LRRC37A2: variants seen among roughly 807,000 people sequenced by gnomAD.
LRRC37A2 encodes leucine rich repeat containing 37 member A2.
LRRC37A2 carries 9 observed loss-of-function variants against 68.8 expected under a neutral mutation model. The observed-to-expected ratio is 0.13, with a 90% CI of 0.08 to 0.23. The LOEUF is 0.23. LRRC37A2 is among the 10% of genes least tolerant of loss of function. LRRC37A2 has a pLI of 1.00. For synonymous variants in LRRC37A2, 63 were observed against 367.6 expected (o/e 0.17, Z 9.48); for missense variants, 168 against 950.4 (o/e 0.18, Z 10.82).
chr17:46,486,954 A>C, the LRRC37A2 span: 2 of 528,938 alleles, frequency 3.8e-6, no homozygotes, highest in African/African-American at 6.0e-5. Flanking sequence ...TATGCTTTTA[A>C]ATCCTCAAGA....
chr17:46,585,119 A>G, the LRRC37A2 span, among the ~76,000 whole-genome samples: 1 of 110,962 alleles, frequency 9.0e-6, no homozygotes, highest in Non-Finnish European at 1.9e-5. Context: ...TCTGGCCATC[A>G]TGGTGAAACC....
chr17:46,907,725 GC>G, the LRRC37A2 span, among the ~76,000 whole-genome samples: 5 of 150,328 alleles, frequency 3.3e-5, no homozygotes, highest in African/African-American at 4.9e-5. Flanking sequence ...GGTGGTGTGT[GC>G]CTGTGGTCCC....
the LRRC37A2 span, among the ~76,000 whole-genome samples, chr17:46,776,257 C>T: frequency 6.6e-6 from 1 of 152,234 alleles, no homozygotes; most frequent in Non-Finnish European, 1.5e-5. Context: ...CCTGGGCCTC[C>T]ATACTGAGCA....
chr17:46,797,575 A>C, the LRRC37A2 span, among the ~76,000 whole-genome samples: 1 of 152,226 alleles, frequency 6.6e-6, no homozygotes, highest in Non-Finnish European at 1.5e-5. Flanking sequence ...ACCTCTTTGG[A>C]AAACAGTTTG....
chr17:46,876,294 G>T, the LRRC37A2 span: 1 of 1,614,122 alleles, frequency 6.2e-7, no homozygotes, highest in Non-Finnish European at 8.5e-7. Flanking sequence ...GGCGTATCAG[G>T]CTCCTGTGCC....
chr17:46,731,510 G>A, the LRRC37A2 span, among the ~76,000 whole-genome samples: 1 of 152,104 alleles, frequency 6.6e-6, no homozygotes, highest in Non-Finnish European at 1.5e-5. Context: ...TATCTCAAGC[G>A]ATTACATTTT....
At chr17:46,751,383 T>C in the LRRC37A2 span, 1 of 708,656 alleles carries the variant, frequency 1.4e-6, no homozygotes, top group East Asian at 2.7e-5. Flanking sequence ...TAGGAGAGAA[T>C]TCTATCAACT....
the LRRC37A2 span, chr17:46,885,042 G>C: frequency 2.3e-6 from 1 of 440,226 alleles, no homozygotes; most frequent in South Asian, 1.6e-5. Context: ...AGGTTGGAGT[G>C]CAGTGGCAAG....
chr17:46,853,061 T>C, the LRRC37A2 span, among the ~76,000 whole-genome samples: 1 of 152,182 alleles, frequency 6.6e-6, no homozygotes, highest in Non-Finnish European at 1.5e-5. Context: ...CTGATCCTTT[T>C]GCGATCCACC....
At chr17:46,773,974 G>A in the LRRC37A2 span, 1 of 1,572,274 alleles carries the variant, frequency 6.4e-7, no homozygotes, top group Non-Finnish European at 8.6e-7. Flanking sequence ...TGGGCACCAT[G>A]GCCGCTTTGT....
the LRRC37A2 span, among the ~76,000 whole-genome samples, chr17:46,780,708 C>T: frequency 6.6e-6 from 1 of 151,938 alleles, no homozygotes; most frequent in African/African-American, 2.4e-5. Context: ...ACCTGGGAGG[C>T]AGAGCTTGCA....
At chr17:46,853,195 C>G in the LRRC37A2 span, among the ~76,000 whole-genome samples, 1 of 151,992 alleles carries the variant, frequency 6.6e-6, no homozygotes, top group Non-Finnish European at 1.5e-5. Flanking sequence ...TTGCCACTTG[C>G]TAGGTGTGCT....
At chr17:46,919,690 G>A in the LRRC37A2 span, among the ~76,000 whole-genome samples, 1 of 152,180 alleles carries the variant, frequency 6.6e-6, no homozygotes, top group Admixed American at 6.5e-5. Flanking sequence ...GCTCACGCCT[G>A]TAACCCCAGC....
the LRRC37A2 span, among the ~76,000 whole-genome samples, chr17:46,905,536 T>C: frequency 6.6e-6 from 1 of 152,230 alleles, no homozygotes; most frequent in Admixed American, 6.5e-5. Context: ...ATGTCACACA[T>C]GAAGAAGAGA....
At chr17:46,741,087 G>A in the LRRC37A2 span, among the ~76,000 whole-genome samples, 3 of 152,168 alleles carry the variant, frequency 2.0e-5, no homozygotes, top group Non-Finnish European at 4.4e-5. Context: ...AATAAAAACA[G>A]TAGACAGCAA....
chr17:46,887,009 G>A, the LRRC37A2 span, among the ~76,000 whole-genome samples: 1 of 152,092 alleles, frequency 6.6e-6, no homozygotes, highest in Non-Finnish European at 1.5e-5. Context: ...TAGAGACGGG[G>A]TTTCACCATG....
the LRRC37A2 span, among the ~76,000 whole-genome samples, chr17:46,956,869 C>T: frequency 2.0e-5 from 3 of 152,112 alleles, no homozygotes; most frequent in South Asian, 4.1e-4. Context: ...AGCTCCACAG[C>T]GAGCATGTGG....
chr17:47,013,923 T>C, the LRRC37A2 span, among the ~76,000 whole-genome samples: 2 of 152,026 alleles, frequency 1.3e-5, no homozygotes, highest in South Asian at 4.1e-4. Context: ...TCACCTGAGG[T>C]CGGGAGTTCA....
At chr17:46,830,414 C>T in the LRRC37A2 span, among the ~76,000 whole-genome samples, 3 of 152,070 alleles carry the variant, frequency 2.0e-5, no homozygotes, top group Admixed American at 6.6e-5. Flanking sequence ...ACCGCACCTG[C>T]CTAACTTTTT....
Sources: allele counts gnomAD v4.1 joint callset (sites outside exome capture counted in the v4.1 genomes callset), GRCh38; gene constraint gnomAD v4.1.1; transcripts MANE v1.5; gene names NCBI Gene and HGNC (gene_info 2026-07-23, HGNC 2026-07-21).